PARVB: variants seen among roughly 807,000 people sequenced by gnomAD.
PARVB encodes the protein beta-parvin.
A neutral mutation model predicts 47.0 loss-of-function variants in PARVB; 46 were observed. The ratio of observed to expected loss-of-function variants is 0.98; its 90% CI spans 0.77 to 1.25. The LOEUF (loss-of-function observed/expected upper bound fraction) is 1.25, where lower values mean the gene tolerates loss of function less well. Ranked by LOEUF, PARVB falls within the 50% of genes most tolerant of loss-of-function variation. The pLI is 0.00. For missense variants in PARVB, 473 were observed against 471.6 expected, an observed-to-expected ratio of 1.00 and a Z score of -0.03; for synonymous variants, 196 against 196.3, an observed-to-expected ratio of 1.00 and a Z score of 0.01.
chr22:44,027,327 G>A (rs1468995524), intron 1 of PARVB, among the ~76,000 whole-genome samples: 1 of 152,190 alleles, frequency 6.6e-6, no homozygotes, highest in African/African-American at 2.4e-5. Flanking sequence ...ATGGAGGTCG[G>A]GGACAGCCCA....
intron 10 of PARVB, among the ~76,000 whole-genome samples, chr22:44,156,011 A>G (rs1013682295): frequency 6.6e-6 from 1 of 151,936 alleles, no homozygotes; most frequent in Non-Finnish European, 1.5e-5. Flanking sequence ...ATTGGCGGGT[A>G]TGGTGGCACG....
chr22:44,016,499 C>A (rs1288063860), intron 2 of PARVB, among the ~76,000 whole-genome samples: 1 of 152,086 alleles, frequency 6.6e-6, no homozygotes, highest in East Asian at 1.9e-4. Flanking sequence ...CGGGTATCAC[C>A]CCAGACAAAT....
chr22:44,024,768 G>A (rs917606273), intron 1 of PARVB, among the ~76,000 whole-genome samples: 2 of 152,124 alleles, frequency 1.3e-5, no homozygotes, highest in African/African-American at 4.8e-5. Context: ...CCCTGGGCCA[G>A]CGGCATAGCC....
intron 2 of PARVB, among the ~76,000 whole-genome samples, chr22:44,013,504 C>T (rs765101169): frequency 1.3e-5 from 2 of 152,168 alleles, no homozygotes; most frequent in Admixed American, 1.3e-4. Flanking sequence ...ACCACGCCGG[C>T]GAAGCCACTA....
intron 1 of PARVB, among the ~76,000 whole-genome samples, chr22:44,034,253 T>TGTCTTTATACATATATATTTGAGATGGGG (rs1569064737): frequency 6.8e-5 from 8 of 118,342 alleles, no homozygotes; most frequent in Middle Eastern, 3.7e-3. Flanking sequence ...TTGAGATGGG[T>TGTCTTTATACATATATATTTGAGATGGGG]GTCTTTATAC....
chr22:44,104,124 G>A (rs1034663326), intron 3 of PARVB: 9 of 152,304 alleles, frequency 5.9e-5, no homozygotes, highest in South Asian at 2.1e-4. Flanking sequence ...TACCTGCAGC[G>A]GCAGCATCCT....
At chr22:44,061,465 C>A (rs148531359) in intron 1 of PARVB, among the ~76,000 whole-genome samples, 15 of 133,398 alleles carry the variant, frequency 1.1e-4, no homozygotes, top group South Asian at 4.8e-4. Flanking sequence ...ACAAAACAAA[C>A]CAAAACAGTG....
At chr22:44,147,579 G>C (rs2053712867) in intron 8 of PARVB, 1 of 579,516 alleles carries the variant, frequency 1.7e-6, no homozygotes, top group Middle Eastern at 5.1e-4. Flanking sequence ...TGCCATCTAT[G>C]TGTTTCATAT....
At position 44,103,113 on chromosome 22, in the gene PARVB, T is replaced by C. The variant is rs1397515726; in HGVS notation, c.273+2990T>C. On this transcript the variant is annotated intron_variant, in intron 3 of 12. Coordinates refer to ENST00000338758, the MANE Select transcript of PARVB (RefSeq NM_013327.5). The surrounding 1 kb of genome is among the most constrained non-coding windows in gnomAD (Gnocchi z 4.6). ...TTTGCTGCCAAAGACCCCCAGGCTG[T>C]TTTGGCCTTGGTGGGGCGAGGGCTG... 1 of 152,300 alleles carries C rather than the reference T, an allele frequency of 6.6e-6. No individual in the cohort carries two copies. The highest frequency in any genetic ancestry group is 2.4e-5 in the African/African-American group (1 of 41,438). 9.4% of individuals were successfully genotyped at this position (152,300 alleles called of 1,614,324 possible). A position where few individuals can be genotyped will look rare whatever the true frequency, so the allele number is the denominator to read the frequency against.
intron 2 of PARVB, among the ~76,000 whole-genome samples, chr22:44,098,422 C>G (rs1035377356): frequency 6.6e-6 from 1 of 152,076 alleles, no homozygotes; most frequent in Non-Finnish European, 1.5e-5. Flanking sequence ...AAACATGGGC[C>G]AGGGAGAGAG....
chr22:44,074,648 A>G (rs1030696154), intron 1 of PARVB, among the ~76,000 whole-genome samples: 2 of 152,136 alleles, frequency 1.3e-5, no homozygotes, highest in African/African-American at 4.8e-5. Context: ...GAGGAGCCCC[A>G]CCATCCCTGA....
chr22:44,051,791 A>C (rs930324389), intron 1 of PARVB, among the ~76,000 whole-genome samples: 6 of 152,124 alleles, frequency 3.9e-5, no homozygotes, highest in African/African-American at 1.4e-4. Context: ...GGGTCTTTGC[A>C]GATGTGCTTA....
At chr22:44,051,620 G>T (rs183671251) in intron 1 of PARVB, among the ~76,000 whole-genome samples, 1 of 152,172 alleles carries the variant, frequency 6.6e-6, no homozygotes, top group Non-Finnish European at 1.5e-5. Context: ...GCCGGGAAGC[G>T]CTTGGTTTGT....
In PARVB at chr22:44,120,420, G is replaced by A. The variant is rs180717430; in HGVS notation, c.376+1280G>A. On this transcript the variant is annotated intron_variant, in intron 4 of 12. Transcript: ENST00000338758. ...TTTATGACGTTTTGGAAGGGTCTGG[G>A]CCTCTTGTCTTGTAGAATATCCTCC... 3.3e-5 allele frequency among the ~76,000 whole-genome samples: 5 copies of A among 152,246 alleles called. No homozygotes were observed. The East Asian group carries it at 7.7e-4, about 24-fold the overall frequency.
chr22:44,062,034 C>G (rs1011187781), intron 1 of PARVB, among the ~76,000 whole-genome samples: 1 of 152,164 alleles, frequency 6.6e-6, no homozygotes, highest in Non-Finnish European at 1.5e-5. Flanking sequence ...TGAATCAAGG[C>G]GATTGACTGT....
intron 2 of PARVB, among the ~76,000 whole-genome samples, chr22:44,016,578 C>T (rs907482077): frequency 6.6e-6 from 1 of 152,212 alleles, no homozygotes; most frequent in Admixed American, 6.5e-5. Context: ...TTCATATACA[C>T]CTTGTACACA....
chr22:44,111,172 G>A (rs1050265309), intron 3 of PARVB: 1 of 151,790 alleles, frequency 6.6e-6, no homozygotes, highest in Non-Finnish European at 1.5e-5. Flanking sequence ...ATTTGGACTA[G>A]TACCTTGGGA....
rs1228260831 is a variant in PARVB at position 44,168,887 on chromosome 22, G to A, written c.*209G>A. 1.9e-6 allele frequency: 1 copy of A among 540,032 alleles called. No homozygotes were observed. The highest frequency in any genetic ancestry group is 3.3e-6 in the Non-Finnish European group (1 of 301,578). The allele number at this position is 540,032 out of a possible 1,614,324, so 33.5% of individuals were successfully genotyped here. A position where few individuals can be genotyped will look rare whatever the true frequency, so the allele number is the denominator to read the frequency against. Reference sequence around the variant, plus strand: ...ATCTCCTCTCCATGTAGTTCCCAGTGGGCAAGAGCCTTTGAAAATGCAGGA... The same window carrying A: ...ATCTCCTCTCCATGTAGTTCCCAGTAGGCAAGAGCCTTTGAAAATGCAGGA... On this transcript the variant is annotated 3_prime_UTR_variant, in exon 13 of 13. Coordinates refer to ENST00000338758, the MANE Select transcript of PARVB (RefSeq NM_013327.5).
intron 2 of PARVB, among the ~76,000 whole-genome samples, chr22:44,017,583 T>G (rs1176919176): frequency 1.3e-5 from 2 of 152,234 alleles, no homozygotes; most frequent in Non-Finnish European, 2.9e-5. Context: ...AAACTGTCTC[T>G]GCCATGTTCA....
Sources: allele counts gnomAD v4.1 joint callset (sites outside exome capture counted in the v4.1 genomes callset), GRCh38; gene constraint gnomAD v4.1.1; non-coding constraint Gnocchi (gnomAD v3.1); transcripts MANE v1.5; gene names NCBI Gene and HGNC (gene_info 2026-07-23, HGNC 2026-07-21).